The following LRRC37A variants were observed in gnomAD, a reference collection of about 807,000 sequenced individuals.
LRRC37A encodes leucine-rich repeat-containing protein 37A.
Under a neutral mutation model 35.4 loss-of-function variants are expected in LRRC37A, and 3 were observed. The observed-to-expected ratio is 0.08, with a 90% CI of 0.04 to 0.22. LRRC37A has a LOEUF of 0.22. LRRC37A is among the 10% of genes least tolerant of loss of function. The probability of loss-of-function intolerance (pLI) is 1.00; values close to 1 mark genes in which losing one functional copy is unlikely to be tolerated. For synonymous variants in LRRC37A, 23 were observed against 215.0 expected (o/e 0.11, Z 7.81); for missense variants, 67 against 565.3 (o/e 0.12, Z 8.94).
At chr17:46,289,145 C>A (rs2957298), upstream of LRRC37A, among the ~76,000 whole-genome samples, 12,369 of 137,742 alleles carry the variant, frequency 0.09, 1 homozygote, top group Middle Eastern at 0.16. Context: ...CATCCACGAA[C>A]AAATTTGGTG....
the LRRC37A span, among the ~76,000 whole-genome samples, chr17:46,277,137 G>C: frequency 6.6e-6 from 1 of 152,206 alleles, no homozygotes; most frequent in African/African-American, 2.4e-5. Context: ...TTGAGCAAAC[G>C]TCTCCATTCA....
chr17:46,274,323 C>T, the LRRC37A span, among the ~76,000 whole-genome samples: 1 of 152,366 alleles, frequency 6.6e-6, no homozygotes, highest in East Asian at 1.9e-4. Flanking sequence ...CTCATTTCAA[C>T]CTGGTGTGGA....
chr17:46,323,709 AT>A (rs1477831861), intron 7 of LRRC37A, among the ~76,000 whole-genome samples: 1 of 103,980 alleles, frequency 9.6e-6, no homozygotes, highest in Non-Finnish European at 2.3e-5. Flanking sequence ...ACTCAGTAGA[AT>A]TTTTTTTGAG....
At chr17:46,274,574 T>C in the LRRC37A span, among the ~76,000 whole-genome samples, 4 of 152,262 alleles carry the variant, frequency 2.6e-5, no homozygotes, top group African/African-American at 4.8e-5. Context: ...GGATGGATTA[T>C]ATGTAACCGT....
At chr17:46,257,137 CTTA>C in the LRRC37A span, among the ~76,000 whole-genome samples, 1 of 152,016 alleles carries the variant, frequency 6.6e-6, no homozygotes, top group South Asian at 2.1e-4. Flanking sequence ...CAACCTCGTA[CTTA>C]TGTTGTTATA....
At chr17:46,279,459 C>A in the LRRC37A span, among the ~76,000 whole-genome samples, 1,236 of 151,258 alleles carry the variant, frequency 8.2e-3, 17 homozygotes, top group African/African-American at 0.025. Flanking sequence ...GCTGGGATTA[C>A]AGGCATGAGC....
the LRRC37A span, among the ~76,000 whole-genome samples, chr17:46,254,083 A>T: frequency 6.6e-6 from 1 of 152,236 alleles, no homozygotes; most frequent in Non-Finnish European, 1.5e-5. Flanking sequence ...GTGTAAGGAC[A>T]GTGCCTCATC....
the LRRC37A span, among the ~76,000 whole-genome samples, chr17:46,272,522 C>T: frequency 6.6e-6 from 1 of 152,184 alleles, no homozygotes; most frequent in Non-Finnish European, 1.5e-5. Context: ...TCAAGTGATT[C>T]TCCTGCCTCA....
At chr17:46,267,100 C>A in the LRRC37A span, 2 of 402,336 alleles carry the variant, frequency 5.0e-6, no homozygotes, top group Admixed American at 4.5e-5. Context: ...TCTGCGCTTG[C>A]GCTTGCCGGG....
chr17:46,267,186 C>G, the LRRC37A span: 2 of 591,284 alleles, frequency 3.4e-6, no homozygotes, highest in South Asian at 2.3e-5. Context: ...GCCCCGCGAG[C>G]CTTTCCGAGT....
the LRRC37A span, among the ~76,000 whole-genome samples, chr17:46,251,416 G>A: frequency 6.6e-5 from 10 of 151,964 alleles, no homozygotes; most frequent in African/African-American, 1.7e-4. Flanking sequence ...GCACCATCAC[G>A]CCTGGCTAAT....
the LRRC37A span, chr17:46,275,365 G>A: frequency 1.0e-6 from 1 of 997,306 alleles, no homozygotes; most frequent in South Asian, 1.3e-5. Flanking sequence ...TTTTATGTTA[G>A]GTTAACATGC....
the LRRC37A span, among the ~76,000 whole-genome samples, chr17:46,255,698 C>T: frequency 1.4e-5 from 2 of 144,610 alleles, no homozygotes; most frequent in South Asian, 4.3e-4. Flanking sequence ...TTTTTTGAGA[C>T]GGAGTCTCGC....
upstream of LRRC37A, among the ~76,000 whole-genome samples, chr17:46,291,752 T>C (rs1480836384): frequency 2.5e-3 from 385 of 151,238 alleles, no homozygotes; most frequent in Non-Finnish European, 4.4e-3. Flanking sequence ...TGGCAAAACC[T>C]TGTCTCTACA....
the LRRC37A span, among the ~76,000 whole-genome samples, chr17:46,260,907 G>A: frequency 6.6e-6 from 1 of 152,220 alleles, no homozygotes; most frequent in South Asian, 2.1e-4. Context: ...ACAGGCATGA[G>A]CCACCGTGCC....
the LRRC37A span, chr17:46,259,433 G>T: frequency 4.9e-6 from 5 of 1,019,012 alleles, no homozygotes; most frequent in African/African-American, 6.7e-5. Context: ...ATGGGCCTGG[G>T]CCCATGCCCC....
chr17:46,281,505 C>A, the LRRC37A span, among the ~76,000 whole-genome samples: 1 of 152,078 alleles, frequency 6.6e-6, no homozygotes. Context: ...TCACAGCTCA[C>A]TGCAGCCTTG....
the LRRC37A span, among the ~76,000 whole-genome samples, chr17:46,278,744 T>C: frequency 6.6e-6 from 1 of 152,170 alleles, no homozygotes; most frequent in African/African-American, 2.4e-5. Context: ...ATTATATCAT[T>C]CCATGCTTTG....
chr17:46,281,203 T>C, the LRRC37A span, among the ~76,000 whole-genome samples: 2 of 152,172 alleles, frequency 1.3e-5, no homozygotes, highest in African/African-American at 2.4e-5. Context: ...TGGCTTATAA[T>C]GTTTATCAAC....
Sources: allele counts gnomAD v4.1 joint callset (sites outside exome capture counted in the v4.1 genomes callset), GRCh38; gene constraint gnomAD v4.1.1; transcripts MANE v1.5; gene names NCBI Gene and HGNC (gene_info 2026-07-23, HGNC 2026-07-21).